PRKG1: variants seen among roughly 807,000 people sequenced by gnomAD.
The protein encoded by PRKG1 is protein kinase cGMP-dependent 1, also known as cGMP-dependent protein kinase 1.
In PRKG1, 35 loss-of-function variants were observed where a neutral mutation model predicts 88.1. The observed-to-expected ratio is 0.40, with a 90% CI of 0.30 to 0.53. PRKG1 has a LOEUF of 0.53. Among genes scored for constraint, PRKG1 ranks in the 20% least tolerant of loss-of-function variants. The pLI is 0.59. For synonymous variants in PRKG1, 303 were observed against 292.5 expected, an observed-to-expected ratio of 1.04 and a Z score of -0.37; for missense variants, 540 against 839.8, an observed-to-expected ratio of 0.64 and a Z score of 4.41.
Position 51,569,631 on chromosome 10 carries a change from G to A in PRKG1, c.592+101795G>A, listed in dbSNP as rs981229567. On this transcript the variant is annotated intron_variant, in intron 3 of 17. Transcript: ENST00000373980. ...GAAGAAAACCCACAACAGGAAAGTT[G>A]TGGCAGAAACTTGCCAGGGTCACTA... Among the ~76,000 whole-genome samples the A allele has an allele frequency of 8.6e-5, 13 of 152,026 alleles. 1 individual carries two copies. The highest frequency in any genetic ancestry group is 1.9e-4 in the Non-Finnish European group (13 of 67,978).
At position 52,248,923 on chromosome 10, in the gene PRKG1, T is replaced by C. The variant is rs1841095575; in HGVS notation, c.1077-2647T>C. 2.0e-5 allele frequency among the ~76,000 whole-genome samples: 3 copies of C among 151,648 alleles called. No homozygotes were observed. The South Asian group carries it at 6.3e-4, about 32-fold the overall frequency. On this transcript the variant is annotated intron_variant, in intron 9 of 17. Transcript: ENST00000373980. ...CCTTTCTCTTTTCTTTCCTTTCTTT[T>C]CTTTTCCTTCTTTTCCTTTCCTTTC...
chr10:51,901,884 C>T (rs531779689), intron 4 of PRKG1, among the ~76,000 whole-genome samples: 1 of 152,184 alleles, frequency 6.6e-6, no homozygotes, highest in South Asian at 2.1e-4. Flanking sequence ...ATCTATCTTA[C>T]ATGAGTCAGG....
intron 1 of PRKG1, among the ~76,000 whole-genome samples, chr10:51,097,949 G>GAAA (rs5784858): frequency 1.3e-5 from 2 of 151,898 alleles, no homozygotes; most frequent in East Asian, 3.9e-4. Context: ...CAGTTAACTG[G>GAAA]AAAAAAACTA....
intron 5 of PRKG1, among the ~76,000 whole-genome samples, chr10:51,961,175 T>A (rs1017420314): frequency 2.6e-5 from 4 of 152,168 alleles, no homozygotes; most frequent in Admixed American, 2.6e-4. Flanking sequence ...AATACAGTTG[T>A]CTTGATATTG....
chr10:51,128,703 G>A (rs1845492240), intron 1 of PRKG1, among the ~76,000 whole-genome samples: 2 of 152,182 alleles, frequency 1.3e-5, no homozygotes, highest in African/African-American at 4.8e-5. Flanking sequence ...ACTTTTAATT[G>A]CCATAGGAAT....
At chr10:51,340,986 C>T (rs539927054) in intron 2 of PRKG1, among the ~76,000 whole-genome samples, 3 of 152,214 alleles carry the variant, frequency 2.0e-5, no homozygotes, top group Admixed American at 1.3e-4. Context: ...AAACTTTCCC[C>T]GTTAGCTAAT....
At chr10:51,225,093 G>C (rs182282007) in intron 2 of PRKG1, among the ~76,000 whole-genome samples, 28 of 152,348 alleles carry the variant, frequency 1.8e-4, no homozygotes, top group South Asian at 6.2e-4. Context: ...TACAAACTGT[G>C]TAGCTTATAA....
chr10:52,028,196 C>T (rs755075180), intron 5 of PRKG1, among the ~76,000 whole-genome samples: 2 of 152,084 alleles, frequency 1.3e-5, no homozygotes, highest in Admixed American at 1.3e-4. Context: ...GCACCCAGGT[C>T]GAACAGACTA....
intron 2 of PRKG1, among the ~76,000 whole-genome samples, chr10:51,440,913 A>C (rs940207807): frequency 1.4e-4 from 21 of 152,024 alleles, no homozygotes; most frequent in Non-Finnish European, 5.9e-5. Context: ...GAATGGAACC[A>C]ATAAGAGGAT....
At chr10:51,471,563 T>C (rs1043597550) in intron 3 of PRKG1, among the ~76,000 whole-genome samples, 2 of 151,886 alleles carry the variant, frequency 1.3e-5, no homozygotes, top group Non-Finnish European at 2.9e-5. Context: ...TGGGCCTTGC[T>C]TCTGTGCCCA....
intron 1 of PRKG1, among the ~76,000 whole-genome samples, chr10:51,061,471 A>T (rs148893819): frequency 9.8e-5 from 15 of 152,294 alleles, no homozygotes; most frequent in African/African-American, 3.1e-4. Context: ...TTATTGTGCT[A>T]GTCATTTACA....
At chr10:51,508,633 T>C (rs1297529080) in intron 3 of PRKG1, among the ~76,000 whole-genome samples, 2 of 152,170 alleles carry the variant, frequency 1.3e-5, no homozygotes, top group Non-Finnish European at 2.9e-5. Context: ...GACATAAATT[T>C]TTCTCATAAT....
chr10:52,234,364 T>C (rs1421699654), intron 9 of PRKG1, among the ~76,000 whole-genome samples: 1 of 152,118 alleles, frequency 6.6e-6, no homozygotes, highest in Non-Finnish European at 1.5e-5. Context: ...ATCAAATTAC[T>C]CTGAGCTACG....
chr10:51,358,156 T>G (rs1842406113), intron 2 of PRKG1, among the ~76,000 whole-genome samples: 1 of 151,898 alleles, frequency 6.6e-6, no homozygotes, highest in Non-Finnish European at 1.5e-5. Context: ...CAATAGTTAC[T>G]TGAGTCTTGA....
chr10:51,686,212 G>A (rs1840986250), intron 3 of PRKG1, among the ~76,000 whole-genome samples: 1 of 152,104 alleles, frequency 6.6e-6, no homozygotes, highest in African/African-American at 2.4e-5. Flanking sequence ...TAAACTGCGT[G>A]TCGCGGGGCT....
At chr10:51,164,662 C>A (rs375638511) in intron 2 of PRKG1, among the ~76,000 whole-genome samples, 1 of 151,898 alleles carries the variant, frequency 6.6e-6, no homozygotes, top group Non-Finnish European at 1.5e-5. Flanking sequence ...AAAATTTAGA[C>A]GAATGTATAA....
chr10:51,247,281 C>T (rs1443302850), intron 2 of PRKG1, among the ~76,000 whole-genome samples: 1 of 151,740 alleles, frequency 6.6e-6, no homozygotes, highest in African/African-American at 2.4e-5. Flanking sequence ...TTTATTGAGC[C>T]AATTTTCCCT....
At chr10:52,271,607 T>A in intron 11 of PRKG1, 118 bp downstream of exon 11, 1 of 1,071,328 alleles carries the variant, frequency 9.3e-7, no homozygotes, top group Non-Finnish European at 1.3e-6. Flanking sequence ...AAACTTCTTT[T>A]TAATCTAATC....
intron 4 of PRKG1, among the ~76,000 whole-genome samples, chr10:51,832,083 T>C (rs1363820500): frequency 6.6e-6 from 1 of 152,204 alleles, no homozygotes; most frequent in Non-Finnish European, 1.5e-5. Context: ...TTTTCAGTTG[T>C]TTAAAAATAA....
Sources: allele counts gnomAD v4.1 joint callset (sites outside exome capture counted in the v4.1 genomes callset), GRCh38; gene constraint gnomAD v4.1.1; transcripts MANE v1.5; gene names NCBI Gene and HGNC (gene_info 2026-07-23, HGNC 2026-07-21).